The following ARHGAP32 variants were observed in gnomAD, a reference collection of about 807,000 sequenced individuals.
ARHGAP32 encodes rho GTPase-activating protein 32.
Under a neutral mutation model 186.5 loss-of-function variants are expected in ARHGAP32, and 51 were observed. That is an observed-to-expected ratio of 0.27 (90% CI 0.22 to 0.35). The LOEUF (loss-of-function observed/expected upper bound fraction) is 0.35. Ranked by LOEUF, ARHGAP32 falls within the 10% of genes least tolerant of loss-of-function variation. The probability of loss-of-function intolerance (pLI) is 1.00; values close to 1 mark genes in which losing one functional copy is unlikely to be tolerated. For missense variants in ARHGAP32, 2,186 were observed against 2,623.5 expected (o/e 0.83, Z 3.64); for synonymous variants, 950 against 964.3 (o/e 0.99, Z 0.27).
At chr11:129,184,928 A>G (rs982682582) in intron 1 of ARHGAP32, among the ~76,000 whole-genome samples, 3 of 152,198 alleles carry the variant, frequency 2.0e-5, no homozygotes, top group Non-Finnish European at 4.4e-5. Flanking sequence ...CAAATGATCC[A>G]AAACTGATAC....
At chr11:129,141,575 A>G (rs2135428411) in intron 2 of ARHGAP32, among the ~76,000 whole-genome samples, 1 of 152,210 alleles carries the variant, frequency 6.6e-6, no homozygotes, top group East Asian at 1.9e-4. Flanking sequence ...TACCTATGTA[A>G]CAAACCTGCA....
At chr11:129,159,373 T>C (rs139933894) in intron 2 of ARHGAP32, among the ~76,000 whole-genome samples, 18 of 152,008 alleles carry the variant, frequency 1.2e-4, no homozygotes, top group African/African-American at 4.3e-4. Context: ...AAGGGGATAT[T>C]AGCACTGATC....
At chr11:129,174,034 T>C (rs1372178408) in intron 1 of ARHGAP32, among the ~76,000 whole-genome samples, 1 of 152,032 alleles carries the variant, frequency 6.6e-6, no homozygotes, top group African/African-American at 2.4e-5. Context: ...AGGTACCAGG[T>C]TCATCTCACT....
At chr11:129,121,585 C>A (rs1342816120) in intron 5 of ARHGAP32, among the ~76,000 whole-genome samples, 2 of 152,028 alleles carry the variant, frequency 1.3e-5, no homozygotes, top group African/African-American at 4.8e-5. Context: ...ATACTCCAGG[C>A]CTCCTGGTCA....
intron 1 of ARHGAP32, among the ~76,000 whole-genome samples, chr11:129,178,548 C>T (rs1285350028): frequency 6.6e-6 from 1 of 152,096 alleles, no homozygotes; most frequent in Non-Finnish European, 1.5e-5. Flanking sequence ...AACTATACTA[C>T]AAGGCTACAG....
chr11:128,988,266 A>G, intron 12 of ARHGAP32, 141 bp from the exon 13 acceptor site: 2 of 598,412 alleles, frequency 3.3e-6, no homozygotes. Flanking sequence ...TTAATCCACT[A>G]CAAAAAATGA....
chr11:129,011,490 G>A (rs910752330), intron 11 of ARHGAP32, among the ~76,000 whole-genome samples: 3 of 152,190 alleles, frequency 2.0e-5, no homozygotes, highest in Non-Finnish European at 4.4e-5. Flanking sequence ...CAGTTTCTCT[G>A]AGGAAGTCAT....
At chr11:129,083,733 T>A (rs1941295015) in intron 6 of ARHGAP32, among the ~76,000 whole-genome samples, 1 of 151,416 alleles carries the variant, frequency 6.6e-6, no homozygotes, top group African/African-American at 2.4e-5. Context: ...AGAAGAAACA[T>A]CTAATAACAA....
chr11:129,074,632 T>C (rs1453572585), intron 6 of ARHGAP32, among the ~76,000 whole-genome samples: 1 of 152,124 alleles, frequency 6.6e-6, no homozygotes, highest in Non-Finnish European at 1.5e-5. Context: ...TAGCTGGGAC[T>C]ACAAGCACCT....
intron 5 of ARHGAP32, among the ~76,000 whole-genome samples, chr11:129,120,304 G>A (rs1942489908): frequency 6.6e-6 from 1 of 152,054 alleles, no homozygotes; most frequent in African/African-American, 2.4e-5. Context: ...TTACCAAGAT[G>A]GGAAGTCAGC....
chr11:129,155,946 G>A (rs1017574996), intron 2 of ARHGAP32, among the ~76,000 whole-genome samples: 6 of 152,214 alleles, frequency 3.9e-5, no homozygotes, highest in Non-Finnish European at 8.8e-5. Context: ...AGAGTGGGGC[G>A]TTGCCTCACC....
intron 2 of ARHGAP32, among the ~76,000 whole-genome samples, chr11:129,132,813 T>C (rs1307480950): frequency 1.3e-5 from 2 of 152,150 alleles, no homozygotes; most frequent in Non-Finnish European, 2.9e-5. Context: ...AAAACAGGTA[T>C]TATAAACACA....
chr11:129,023,347 A>T (rs1367877883), intron 11 of ARHGAP32, among the ~76,000 whole-genome samples: 1 of 152,192 alleles, frequency 6.6e-6, no homozygotes, highest in African/African-American at 2.4e-5. Context: ...AAGGCCAGAA[A>T]GGTTACTTCT....
chr11:128,974,171 A>G lies in ARHGAP32; in HGVS notation c.3026T>C (p.Val1009Ala). The G allele has an allele frequency of 6.2e-7, 1 of 1,614,168 alleles. No individual in the cohort carries two copies. Among genetic ancestry groups the G allele is most frequent in the Non-Finnish European group, 8.5e-7 (1 of 1,180,018 alleles). Reference protein sequence around the residue: ...VELPGKEDQSVSSSQSKAVAS... With the variant: ...VELPGKEDQSASSSQSKAVAS... The stretch of plus-strand genomic sequence containing the variant: ...TACAGCCTTACTCTGACTGCTTGAG[A>G]CAGACTGATCCTCTTTCCCTGGCAA... Residue 1009 changes from valine to alanine, a missense_variant, in exon 21 of 23, where the codon GTC (valine) becomes GCC (alanine). Physicochemically the swap from Val to Ala is moderately conservative, Grantham distance 64. Around this residue, in one of 5 missense-constraint regions of ARHGAP32, gnomAD observed 1,502 missense variants for 1,570.0 expected, o/e 0.96. Coordinates refer to ENST00000682385, the MANE Select transcript of ARHGAP32 (RefSeq NM_001378024.1).
chr11:129,218,975 C>A (rs1944680077), intron 1 of ARHGAP32, among the ~76,000 whole-genome samples: 1 of 152,078 alleles, frequency 6.6e-6, no homozygotes, highest in Non-Finnish European at 1.5e-5. Flanking sequence ...CACTGCAGAC[C>A]CAATGAGAGC....
chr11:129,152,884 C>T lies in ARHGAP32; in HGVS notation c.225+11435G>A, dbSNP rs560494360. 9.1e-4 allele frequency among the ~76,000 whole-genome samples: 139 copies of T among 152,050 alleles called. 1 individual carries two copies. Among genetic ancestry groups the T allele is most frequent in the African/African-American group, 3.1e-3 (127 of 41,494 alleles). On this transcript the variant is annotated intron_variant, in intron 2 of 22. Transcript: ENST00000682385. ...TTAACATAGTGCTACAAGTCCTGGC[C>T]GGAACAATCAGACAAGATAATGAAA...
chr11:129,193,633 A>ATATAAT, upstream of ARHGAP32, among the ~76,000 whole-genome samples: 1 of 63,316 alleles, frequency 1.6e-5, no homozygotes, highest in African/African-American at 6.2e-5. Flanking sequence ...TAATATATAT[A>ATATAAT]ATATATGTTA....
chr11:129,060,384 A>ATAGATAGATAG (rs1565401813), intron 10 of ARHGAP32, among the ~76,000 whole-genome samples: 3 of 134,258 alleles, frequency 2.2e-5, no homozygotes, highest in East Asian at 2.1e-4. Context: ...TAGATAGATA[A>ATAGATAGATAG]GATAGACAGA....
At chr11:129,002,459 G>A (rs1402277509) in intron 11 of ARHGAP32, among the ~76,000 whole-genome samples, 1 of 152,108 alleles carries the variant, frequency 6.6e-6, no homozygotes, top group Non-Finnish European at 1.5e-5. Context: ...CCACTTTACT[G>A]AATTTGTTTT....
Sources: gnomAD v4.1 joint callset for allele counts (sites outside exome capture counted in the v4.1 genomes callset) on GRCh38, gnomAD v4.1.1 for gene constraint, gnomAD v4.1.1 regional missense constraint, MANE v1.5 for transcripts, NCBI Gene and HGNC (gene_info 2026-07-23, HGNC 2026-07-21) for gene names.